Variants in PDXDC1 observed in about 807,000 individuals in gnomAD.
PDXDC1 encodes pyridoxal dependent decarboxylase domain containing 1, also known as pyridoxal-dependent decarboxylase domain-containing protein 1.
PDXDC1 carries 42 observed loss-of-function variants against 100.1 expected under a neutral mutation model. The ratio of observed to expected loss-of-function variants is 0.42; its 90% CI spans 0.33 to 0.54. The LOEUF (loss-of-function observed/expected upper bound fraction) is 0.54. Ranked by LOEUF, PDXDC1 falls within the 20% of genes least tolerant of loss-of-function variation. The pLI, the probability that PDXDC1 is intolerant of heterozygous loss-of-function variation, is 0.10. For missense variants in PDXDC1, 636 were observed against 979.2 expected, an observed-to-expected ratio of 0.65 and a Z score of 4.68; for synonymous variants, 260 against 371.7, an observed-to-expected ratio of 0.70 and a Z score of 3.46.
At chr16:15,092,544 C>T in intron 16 of PDXDC1, 1 of 1,613,500 alleles carries the variant, frequency 6.2e-7, no homozygotes, top group East Asian at 2.2e-5. Flanking sequence ...GTCACAGTTC[C>T]ACCAAACCGA....
rs537538104 is a variant in PDXDC1, at chr16:14,998,228, C to A, written c.96-112C>A. The stretch of plus-strand genomic sequence containing the variant: ...GAGATGTGATAAATGTGTTTGAAAT[C>A]CTGCCTCAGTCACTGGGAGGTTATA... On this transcript the variant is annotated intron_variant, in intron 2 of 22. Coordinates refer to ENST00000396410, the MANE Select transcript of PDXDC1 (RefSeq NM_015027.4). 4.9e-5 allele frequency: 48 copies of A among 982,438 alleles called. 1 individual carries two copies. The Admixed American group carries it at 1.3e-3, about 26-fold the overall frequency. The allele number at this position is 982,438 out of a possible 1,614,324, so 60.9% of individuals were successfully genotyped here.
intron 16 of PDXDC1, among the ~76,000 whole-genome samples, chr16:15,124,907 G>C (rs1187441122): frequency 6.6e-6 from 1 of 151,762 alleles, no homozygotes; most frequent in Non-Finnish European, 1.5e-5. Context: ...CCAGCACTTT[G>C]GGAGGCTGAG....
Position 15,135,701 on chromosome 16 carries a change from T to C in PDXDC1, c.1400-3178T>C, listed in dbSNP as rs368618314. On this transcript the variant is annotated intron_variant, in intron 16 of 16. Coordinates refer to the PDXDC1 transcript ENST00000535621. ...GAAACTGAGCGGCGTCTGGTCGCCA[T>C]CCTCCAGGTTGGGGTCGTAGGACTC... 46 of 1,595,712 alleles carry C rather than the reference T, an allele frequency of 2.9e-5. 1 individual carries two copies. The East Asian group carries it at 8.5e-4, about 30-fold the overall frequency.
chr16:15,065,145 G>C, intron 16 of PDXDC1: 1 of 1,469,190 alleles, frequency 6.8e-7, no homozygotes, highest in Non-Finnish European at 9.2e-7. Flanking sequence ...CAGCCTGGGC[G>C]ACAGAGTGAG....
downstream of PDXDC1, chr16:15,041,790 C>T (rs1190692288): frequency 5.2e-6 from 4 of 765,996 alleles, no homozygotes; most frequent in East Asian, 7.8e-5. Context: ...GTGCTCCGCC[C>T]TACAGCCCGC....
rs2047579518 is a variant in PDXDC1, at chr16:15,124,234, C to T, written c.1400-14645C>T. ...GGGGCCTGGTGACCAGGACAGACCCCCACTGTCCATCACCTTTCCTGGCCC... is the reference window on the plus strand; with the variant it reads ...GGGGCCTGGTGACCAGGACAGACCCTCACTGTCCATCACCTTTCCTGGCCC... On this transcript the variant is annotated intron_variant, in intron 16 of 16. Coordinates refer to the PDXDC1 transcript ENST00000535621. Among the ~76,000 whole-genome samples the T allele has an allele frequency of 2.0e-5, 3 of 152,170 alleles. No homozygotes were observed. The South Asian group carries it at 6.2e-4, about 31-fold the overall frequency.
At chr16:15,060,749 C>G (rs893299104) in intron 16 of PDXDC1, 13 of 152,306 alleles carry the variant, frequency 8.5e-5, no homozygotes, top group African/African-American at 3.1e-4. Context: ...ACACAGCCAT[C>G]AGACCAAGAC....
chr16:15,127,641 G>T, intron 16 of PDXDC1: 1 of 1,284,824 alleles, frequency 7.8e-7, no homozygotes, highest in Non-Finnish European at 1.1e-6. Flanking sequence ...TGAGGGGCAG[G>T]AAGGGCTGGG....
At chr16:15,039,500 T>G (rs1391646850), downstream of PDXDC1, among the ~76,000 whole-genome samples, 2 of 152,228 alleles carry the variant, frequency 1.3e-5, no homozygotes, top group African/African-American at 2.4e-5. Context: ...GTAATTTAAT[T>G]AAGCACCCTA....
At chr16:15,080,108 A>T (rs1460591915) in intron 16 of PDXDC1, 5 of 1,589,696 alleles carry the variant, frequency 3.1e-6, no homozygotes, top group Non-Finnish European at 4.3e-6. Flanking sequence ...TAAAGGAGAA[A>T]ATGTAAGATA....
chr16:15,131,521 G>A, intron 16 of PDXDC1: 2 of 1,608,934 alleles, frequency 1.2e-6, no homozygotes, highest in South Asian at 2.2e-5. Context: ...CTTGCCCTGG[G>A]CCACGATCTC....
intron 21 of PDXDC1, 65 bp from the exon 22 acceptor site, chr16:15,035,384 G>A: frequency 1.2e-6 from 1 of 804,346 alleles, no homozygotes; most frequent in Non-Finnish European, 2.0e-6. Context: ...CTGTGTGAGG[G>A]CAGGTGGTGT....
intron 16 of PDXDC1, chr16:15,135,695 T>C: frequency 1.3e-6 from 2 of 1,595,284 alleles, no homozygotes; most frequent in East Asian, 4.5e-5. Flanking sequence ...CGGCGTCTGG[T>C]CGCCATCCTC....
At chr16:15,124,156 TG>T (rs1326095045) in intron 16 of PDXDC1, among the ~76,000 whole-genome samples, 1 of 152,160 alleles carries the variant, frequency 6.6e-6, no homozygotes, top group Non-Finnish European at 1.5e-5. Context: ...CCAGAGGGCT[TG>T]GCCGCATCAT....
intron 14 of PDXDC1, among the ~76,000 whole-genome samples, 184 bp downstream of exon 14, chr16:15,026,890 T>G (rs2042643999): frequency 6.6e-6 from 1 of 152,298 alleles, no homozygotes; most frequent in Admixed American, 6.5e-5. Context: ...TGCTGATAGT[T>G]TGCGGTGATT....
intron 15 of PDXDC1, 25 bp from the exon 16 acceptor site, chr16:15,029,926 G>A (rs373472020): frequency 6.5e-7 from 1 of 1,544,736 alleles, no homozygotes. Context: ...GTTACAGGAG[G>A]GTGTTCATTG....
At chr16:15,140,093 C>G (rs140574112), downstream of PDXDC1, among the ~76,000 whole-genome samples, 2 of 12,318 alleles carry the variant, frequency 1.6e-4, no homozygotes, top group Non-Finnish European at 6.1e-4. Context: ...GAGACTCCAT[C>G]TCAAAAAAAA....
chr16:15,084,716 A>G (rs1235989742), intron 16 of PDXDC1: 4 of 1,608,088 alleles, frequency 2.5e-6, no homozygotes, highest in African/African-American at 2.7e-5. Context: ...CTGAAAGGAG[A>G]AAAGTTCAGA....
At position 14,989,307 on chromosome 16, in the gene PDXDC1, A is replaced by G. The variant is rs7191624; in HGVS notation, c.22-8446A>G. ...GCCAGAGACGTGCACCACCCACAGC[A>G]CCGTCTCATCCAGCTGCGTCTTGGG... On this transcript the variant is annotated intron_variant, in intron 1 of 22. Transcript: ENST00000396410. The G allele has an allele frequency of 7.0e-4, 1,126 of 1,612,776 alleles. 6 individuals carry two copies. In the African/African-American group the frequency reaches 7.9e-3, roughly 11 times the overall value.
Sources: gnomAD v4.1 joint callset for allele counts (sites outside exome capture counted in the v4.1 genomes callset) on GRCh38, gnomAD v4.1.1 for gene constraint, MANE v1.5 for transcripts, NCBI Gene and HGNC (gene_info 2026-07-23, HGNC 2026-07-21) for gene names.